TRPC6: variants seen among roughly 807,000 people sequenced by gnomAD.
TRPC6 encodes transient receptor potential cation channel subfamily C member 6, also known as short transient receptor potential channel 6.
In TRPC6, 55 loss-of-function variants were observed where a neutral mutation model predicts 90.7. The ratio of observed to expected loss-of-function variants is 0.61; its 90% CI spans 0.49 to 0.76. The LOEUF (loss-of-function observed/expected upper bound fraction) is 0.76. Ranked by LOEUF, TRPC6 falls within the 30% of genes least tolerant of loss-of-function variation. The pLI is 0.00. For missense variants in TRPC6, 989 were observed against 1,122.7 expected (o/e 0.88, Z 1.70); for synonymous variants, 393 against 393.0 (o/e 1.00, Z 0.00).
chr11:101,500,337 T>C (rs1860087326), intron 2 of TRPC6, among the ~76,000 whole-genome samples: 1 of 151,814 alleles, frequency 6.6e-6, no homozygotes, highest in Admixed American at 6.6e-5. Flanking sequence ...GCCTCCTGCG[T>C]AGCTGGGATT....
intron 1 of TRPC6, among the ~76,000 whole-genome samples, chr11:101,549,744 T>TAAATA (rs1470279092): frequency 6.6e-6 from 1 of 150,800 alleles, no homozygotes; most frequent in Non-Finnish European, 1.5e-5. Flanking sequence ...TGTCAAAAAA[T>TAAATA]AAATAAAATA....
At chr11:101,484,852 T>C (rs1446176873) in intron 4 of TRPC6, among the ~76,000 whole-genome samples, 2 of 152,130 alleles carry the variant, frequency 1.3e-5, no homozygotes, top group Non-Finnish European at 2.9e-5. Context: ...GATACACTTT[T>C]AAATTGACAT....
chr11:101,548,645 A>C (rs2136836389), intron 1 of TRPC6, among the ~76,000 whole-genome samples: 1 of 150,874 alleles, frequency 6.6e-6, no homozygotes. Flanking sequence ...TCTCACTTCA[A>C]GAGATGCTGC....
chr11:101,482,647 C>T (rs192887447), intron 5 of TRPC6, among the ~76,000 whole-genome samples: 3 of 152,270 alleles, frequency 2.0e-5, no homozygotes, highest in Admixed American at 2.0e-4. Flanking sequence ...TCATAGCTCG[C>T]TCTCAAAATA....
Position 101,541,769 on chromosome 11 carries a change from T to C in TRPC6, c.171-36971A>G, listed in dbSNP as rs555813575. On this transcript the variant is annotated intron_variant, in intron 1 of 12. Transcript: ENST00000344327. ...TGCAGTGCAAAAGAAAAAAAAGTAT[T>C]ACATTATTAATTTTCTTAATAATTC... Among the ~76,000 whole-genome samples, 4 of 152,296 alleles carry C rather than the reference T, an allele frequency of 2.6e-5. No homozygotes were observed. The East Asian group carries it at 7.7e-4, about 29-fold the overall frequency.
In TRPC6 at chr11:101,553,507, C is replaced by T. The variant is rs570086098; in HGVS notation, c.170+29827G>A. Among the ~76,000 whole-genome samples, 6 of 152,150 alleles carry T rather than the reference C, an allele frequency of 3.9e-5. No individual in the cohort carries two copies. The East Asian group carries it at 9.7e-4, about 25-fold the overall frequency. On this transcript the variant is annotated intron_variant, in intron 1 of 12. Transcript: ENST00000344327. ...TGCGTTCCTCACCTATCGCATCAGC[C>T]CCTCTTGGATGCCAATGTTAGTTTA...
At chr11:101,569,664 C>G (rs1226141412) in intron 1 of TRPC6, among the ~76,000 whole-genome samples, 5 of 152,044 alleles carry the variant, frequency 3.3e-5, no homozygotes, top group Non-Finnish European at 7.4e-5. Context: ...TCATAACAAA[C>G]AAGTCTCTCA....
intron 2 of TRPC6, among the ~76,000 whole-genome samples, 168 bp downstream of exon 2, chr11:101,503,856 G>A (rs753303166): frequency 9.9e-5 from 15 of 152,166 alleles, no homozygotes; most frequent in Non-Finnish European, 2.1e-4. Flanking sequence ...AAATGGTAGC[G>A]ATCACAACTT....
At chr11:101,457,331 C>A (rs1378111856) in intron 10 of TRPC6, among the ~76,000 whole-genome samples, 1 of 152,112 alleles carries the variant, frequency 6.6e-6, no homozygotes, top group East Asian at 1.9e-4. Flanking sequence ...TATTCATTTT[C>A]TTTTTCATTT....
chr11:101,489,912 C>G (rs1859765633), intron 3 of TRPC6, among the ~76,000 whole-genome samples: 3 of 152,092 alleles, frequency 2.0e-5, no homozygotes, highest in South Asian at 4.1e-4. Flanking sequence ...GAATGTTTAT[C>G]TACTCAGAAT....
intron 10 of TRPC6, among the ~76,000 whole-genome samples, chr11:101,467,224 G>T (rs1859170425): frequency 6.6e-6 from 1 of 152,022 alleles, no homozygotes; most frequent in Admixed American, 6.6e-5. Flanking sequence ...TTTTTTTCTA[G>T]ATATGCCCAT....
At chr11:101,473,836 C>A (rs1258314246) in intron 6 of TRPC6, 63 bp from the exon 7 acceptor site, 4 of 1,605,620 alleles carry the variant, frequency 2.5e-6, no homozygotes, top group African/African-American at 2.7e-5. Context: ...TAGGTAACTT[C>A]TTTTTCTGCG....
intron 1 of TRPC6, among the ~76,000 whole-genome samples, chr11:101,565,379 G>A (rs1861806460): frequency 6.6e-6 from 1 of 151,988 alleles, no homozygotes; most frequent in Admixed American, 6.5e-5. Flanking sequence ...AAAAATCTTG[G>A]GTGATTTTAA....
intron 1 of TRPC6, among the ~76,000 whole-genome samples, chr11:101,561,777 G>A (rs1027047397): frequency 6.6e-6 from 1 of 151,268 alleles, no homozygotes; most frequent in Non-Finnish European, 1.5e-5. Flanking sequence ...AGCAAGCATA[G>A]TATGACCCCA....
Position 101,583,634 on chromosome 11 carries a change from A to G in TRPC6, c.-131T>C. The G allele has an allele frequency of 9.5e-7, 1 of 1,049,454 alleles. No individual in the cohort carries two copies. Among genetic ancestry groups the G allele is most frequent in the Non-Finnish European group, 1.3e-6 (1 of 783,078 alleles). 65.0% of individuals were successfully genotyped at this position (1,049,454 alleles called of 1,614,324 possible). On this transcript the variant is annotated 5_prime_UTR_variant, in exon 1 of 13. Transcript: ENST00000344327. ...TGGGCAGACCGGTGCCCAGGGGACG[A>G]CGGTGAAGCAGGGGGTGCAGACGCC...
chr11:101,466,930 C>T (rs1390542865), intron 10 of TRPC6, among the ~76,000 whole-genome samples: 4 of 152,052 alleles, frequency 2.6e-5, no homozygotes, highest in Non-Finnish European at 5.9e-5. Flanking sequence ...TCAGAATGCA[C>T]GGTTCCTCAG....
chr11:101,485,173 T>A (rs1217403532), intron 4 of TRPC6, among the ~76,000 whole-genome samples: 3 of 137,782 alleles, frequency 2.2e-5, no homozygotes, highest in African/African-American at 7.7e-5. Flanking sequence ...TTAAAGCCAA[T>A]AGATTCTAGA....
At chr11:101,492,887 T>C (rs549215747) in intron 2 of TRPC6, among the ~76,000 whole-genome samples, 2 of 152,316 alleles carry the variant, frequency 1.3e-5, no homozygotes, top group South Asian at 4.1e-4. Flanking sequence ...AATCTAGACA[T>C]AGAGTCTGCA....
At chr11:101,564,115 C>G (rs1055392727) in intron 1 of TRPC6, among the ~76,000 whole-genome samples, 1 of 150,480 alleles carries the variant, frequency 6.6e-6, no homozygotes, top group Non-Finnish European at 1.5e-5. Context: ...GTTTTATTAT[C>G]TGTGAAGATG....
Sources: gnomAD v4.1 joint callset for allele counts (sites outside exome capture counted in the v4.1 genomes callset) on GRCh38, gnomAD v4.1.1 for gene constraint, MANE v1.5 for transcripts, NCBI Gene and HGNC (gene_info 2026-07-23, HGNC 2026-07-21) for gene names.